Variants in NRG1 observed in about 807,000 individuals in gnomAD.
NRG1 encodes neuregulin 1.
NRG1 carries 18 observed loss-of-function variants against 63.8 expected under a neutral mutation model. The observed-to-expected ratio is 0.28, with a 90% CI of 0.19 to 0.42. NRG1 has a LOEUF of 0.42. Among genes scored for constraint, NRG1 ranks in the 10% least tolerant of loss-of-function variants. NRG1 has a pLI of 1.00. For missense variants in NRG1, 762 were observed against 814.7 expected (o/e 0.94, Z 0.79); for synonymous variants, 302 against 301.3 (o/e 1.00, Z -0.02).
intron 1 of NRG1, among the ~76,000 whole-genome samples, chr8:31,928,565 G>A (rs955553799): frequency 2.0e-5 from 3 of 151,882 alleles, no homozygotes; most frequent in Admixed American, 6.6e-5. Flanking sequence ...ATCATCCTAA[G>A]TGCCCATCTA....
chr8:32,476,070 T>C (rs569041617), intron 1 of NRG1, among the ~76,000 whole-genome samples: 1 of 152,266 alleles, frequency 6.6e-6, no homozygotes, highest in East Asian at 1.9e-4. Flanking sequence ...GTATTACATA[T>C]CTGCATGTGT....
At chr8:31,712,511 A>G (rs1585849847) in intron 1 of NRG1, among the ~76,000 whole-genome samples, 1 of 151,654 alleles carries the variant, frequency 6.6e-6, no homozygotes, top group Non-Finnish European at 1.5e-5. Context: ...CTTGTAATCC[A>G]CCTGCCTCGG....
intron 1 of NRG1, among the ~76,000 whole-genome samples, chr8:32,186,202 C>T (rs1454101433): frequency 6.6e-6 from 1 of 152,090 alleles, no homozygotes; most frequent in Non-Finnish European, 1.5e-5. Context: ...CGGTGGCTCA[C>T]GCCTGTAATC....
intron 1 of NRG1, among the ~76,000 whole-genome samples, chr8:32,504,482 TTAGAA>T (rs1320879614): frequency 6.6e-6 from 1 of 152,198 alleles, no homozygotes; most frequent in Non-Finnish European, 1.5e-5. Flanking sequence ...TTAAGCCAAC[TTAGAA>T]TAGAACTCAT....
At chr8:32,553,342 A>C (rs1299591251) in intron 1 of NRG1, among the ~76,000 whole-genome samples, 1 of 152,218 alleles carries the variant, frequency 6.6e-6, no homozygotes, top group East Asian at 1.9e-4. Context: ...GTGTCTTTGC[A>C]AAGATATTTG....
intron 1 of NRG1, among the ~76,000 whole-genome samples, chr8:31,873,597 G>A (rs1829677002): frequency 1.3e-5 from 2 of 152,064 alleles, no homozygotes; most frequent in Admixed American, 1.3e-4. Context: ...GGAGGGGCAT[G>A]GGCTTGGATT....
At chr8:32,343,631 A>AGTG (rs1804364332) in intron 1 of NRG1, among the ~76,000 whole-genome samples, 1 of 152,216 alleles carries the variant, frequency 6.6e-6, no homozygotes, top group Admixed American at 6.5e-5. Context: ...GGGAGGTGGT[A>AGTG]GTGGTGAATC....
chr8:32,318,238 G>A (rs1017054945), intron 1 of NRG1, among the ~76,000 whole-genome samples: 8 of 152,156 alleles, frequency 5.3e-5, no homozygotes, highest in Admixed American at 3.3e-4. Flanking sequence ...AGTGATTCTT[G>A]TAATAAGAGA....
intron 1 of NRG1, among the ~76,000 whole-genome samples, chr8:31,977,770 T>C (rs1808432774): frequency 6.6e-6 from 1 of 152,158 alleles, no homozygotes; most frequent in Admixed American, 6.5e-5. Context: ...CAGGTATCGA[T>C]ATTCATCTCA....
intron 1 of NRG1, among the ~76,000 whole-genome samples, chr8:31,653,028 C>A (rs1285578053): frequency 3.5e-5 from 4 of 112,732 alleles, no homozygotes; most frequent in African/African-American, 1.3e-4. Flanking sequence ...CCCTCCCCTT[C>A]TCTCCCCTCC....
chr8:32,654,801 G>T (rs977597393), intron 5 of NRG1, among the ~76,000 whole-genome samples: 5 of 152,102 alleles, frequency 3.3e-5, no homozygotes, highest in East Asian at 3.9e-4. Flanking sequence ...AGTGCTTAAA[G>T]TATTCAAGCA....
At chr8:32,266,600 T>C (rs1443919392) in intron 1 of NRG1, among the ~76,000 whole-genome samples, 2 of 152,160 alleles carry the variant, frequency 1.3e-5, no homozygotes, top group Non-Finnish European at 2.9e-5. Flanking sequence ...GATTAAGTGC[T>C]ATCTAAGAGG....
At chr8:31,820,497 G>C (rs1423975145) in intron 1 of NRG1, among the ~76,000 whole-genome samples, 1 of 152,126 alleles carries the variant, frequency 6.6e-6, no homozygotes, top group Non-Finnish European at 1.5e-5. Flanking sequence ...TGTCCATTCA[G>C]TCATTCTTTA....
At chr8:32,131,280 A>G (rs1247312984) in intron 1 of NRG1, among the ~76,000 whole-genome samples, 1 of 152,006 alleles carries the variant, frequency 6.6e-6, no homozygotes, top group East Asian at 1.9e-4. Context: ...GTAAGTGAGG[A>G]ATAATATAGA....
chr8:31,886,027 A>AT (rs1164684787), intron 1 of NRG1, among the ~76,000 whole-genome samples: 3 of 152,218 alleles, frequency 2.0e-5, no homozygotes, highest in East Asian at 1.9e-4. Flanking sequence ...AGTAAATATG[A>AT]TTTTTTCTCA....
At chr8:31,683,240 T>C (rs994405329) in intron 1 of NRG1, among the ~76,000 whole-genome samples, 1 of 152,110 alleles carries the variant, frequency 6.6e-6, no homozygotes, top group Non-Finnish European at 1.5e-5. Context: ...AACATGCACA[T>C]GGATGTTTAT....
In NRG1 at chr8:32,021,263, A is replaced by T. The variant is rs145876788; in HGVS notation, c.37+381832A>T. 3.5e-3 allele frequency among the ~76,000 whole-genome samples: 534 copies of T among 151,054 alleles called. 2 individuals are homozygous for T. Among genetic ancestry groups the T allele is most frequent in the African/African-American group, 0.012 (508 of 41,492 alleles). Reference sequence around the variant, plus strand: ...TTAGCTCACAGTTCTGCAGGCTGAGAAGTTCAACGGCATGACCCTGGCTTC... The same window carrying T: ...TTAGCTCACAGTTCTGCAGGCTGAGTAGTTCAACGGCATGACCCTGGCTTC... On this transcript the variant is annotated intron_variant, in intron 1 of 10. Transcript: ENST00000519301.
intron 1 of NRG1, among the ~76,000 whole-genome samples, chr8:31,859,549 T>C (rs921017231): frequency 3.9e-5 from 6 of 152,218 alleles, no homozygotes; most frequent in Non-Finnish European, 5.9e-5. Context: ...CTAAATTACA[T>C]ATCCCTTTCT....
At chr8:31,938,550 C>G (rs573527097) in intron 1 of NRG1, among the ~76,000 whole-genome samples, 113 of 152,138 alleles carry the variant, frequency 7.4e-4, no homozygotes, top group African/African-American at 2.6e-3. Context: ...TGGATCCAAA[C>G]CAAGATGAAA....
Sources: allele counts gnomAD v4.1 joint callset (sites outside exome capture counted in the v4.1 genomes callset), GRCh38; gene constraint gnomAD v4.1.1; transcripts MANE v1.5; gene names NCBI Gene and HGNC (gene_info 2026-07-23, HGNC 2026-07-21).